Variants in TSPAN9 observed in about 807,000 individuals in gnomAD.
TSPAN9 encodes the protein tetraspanin 9.
A neutral mutation model predicts 31.0 loss-of-function variants in TSPAN9; 16 were observed. That is an observed-to-expected ratio of 0.52 (90% CI 0.35 to 0.78). The LOEUF (loss-of-function observed/expected upper bound fraction) is 0.78, where lower values mean the gene tolerates loss of function less well. Ranked by LOEUF, TSPAN9 falls within the 30% of genes least tolerant of loss-of-function variation. The pLI is 0.01. For synonymous variants in TSPAN9, 145 were observed against 121.6 expected (o/e 1.19, Z -1.27); for missense variants, 272 against 312.5 (o/e 0.87, Z 0.98).
intron 3 of TSPAN9, among the ~76,000 whole-genome samples, chr12:3,225,298 C>T (rs954582684): frequency 3.9e-5 from 6 of 152,124 alleles, no homozygotes; most frequent in South Asian, 2.1e-4. Context: ...CCTTAGCACC[C>T]GCCACTCCCC....
intron 2 of TSPAN9, among the ~76,000 whole-genome samples, chr12:3,146,896 T>G (rs2098337518): frequency 6.6e-6 from 1 of 152,228 alleles, no homozygotes; most frequent in South Asian, 2.1e-4. Flanking sequence ...CATGCTTTTT[T>G]GGGTTTGCAT....
chr12:3,104,432 A>G (rs1406870896), intron 2 of TSPAN9, among the ~76,000 whole-genome samples: 1 of 151,944 alleles, frequency 6.6e-6, no homozygotes, highest in Non-Finnish European at 1.5e-5. Flanking sequence ...GGCTCACTGA[A>G]GCCTCAACCT....
In TSPAN9 at chr12:3,172,038, A is replaced by G. The variant is rs2098352153; in HGVS notation, c.-17-29139A>G. On this transcript the variant is annotated intron_variant, in intron 2 of 8. Transcript: ENST00000011898. This position sits in a 1 kb window ranked among gnomAD's most constrained non-coding sequence, Gnocchi z 4.8. ...TTATGGGTCCCATCCTGGTTGTGAT[A>G]ACTCAGGCTGAGCTGGATGATAAAC... 6.6e-6 allele frequency: 1 copy of G among 152,246 alleles called. No individual in the cohort carries two copies. The highest frequency in any genetic ancestry group is 1.5e-5 in the Non-Finnish European group (1 of 68,056). 9.4% of individuals were successfully genotyped at this position (152,246 alleles called of 1,614,324 possible).
chr12:3,248,342 G>A (rs1426833093), intron 3 of TSPAN9, among the ~76,000 whole-genome samples: 1 of 152,192 alleles, frequency 6.6e-6, no homozygotes, highest in Non-Finnish European at 1.5e-5. Flanking sequence ...GGGCTGCAGA[G>A]GACCACTGGG....
chr12:3,206,352 G>A (rs924066935), intron 3 of TSPAN9: 8 of 455,956 alleles, frequency 1.8e-5, no homozygotes, highest in Admixed American at 9.4e-5. Flanking sequence ...CCAGGAAGTC[G>A]TGGAATCGGG....
Position 3,081,999 on chromosome 12 carries a change from TA to T in TSPAN9, c.-84-1644del, listed in dbSNP as rs34955187. 1.5e-3 allele frequency among the ~76,000 whole-genome samples: 220 copies of T among 146,784 alleles called. 1 individual carries two copies. The highest frequency in any genetic ancestry group is 9.4e-3 in the South Asian group (43 of 4,594). On this transcript the variant is annotated intron_variant, in intron 1 of 8. Transcript: ENST00000011898. ...GTAACAGAGCGAGAATTCTGTCTCT[TA>T]AAAAAAAAAGTCTGTGCTAAGTTCT...
intron 2 of TSPAN9, among the ~76,000 whole-genome samples, chr12:3,181,238 A>T (rs1418715029): frequency 6.6e-6 from 1 of 151,000 alleles, no homozygotes; most frequent in Non-Finnish European, 1.5e-5. Flanking sequence ...AAGAAATATT[A>T]TCTACTGTGT....
intron 2 of TSPAN9, among the ~76,000 whole-genome samples, chr12:3,133,624 A>G (rs941231706): frequency 6.6e-6 from 1 of 152,080 alleles, no homozygotes; most frequent in Admixed American, 6.5e-5. Context: ...ACCAAAGAAA[A>G]CAAGGTCAGT....
At chr12:3,274,913 G>A (rs370659066) in intron 3 of TSPAN9, among the ~76,000 whole-genome samples, 7 of 152,222 alleles carry the variant, frequency 4.6e-5, no homozygotes, top group African/African-American at 1.4e-4. Flanking sequence ...TTGAGGGCTT[G>A]GAGAGGAAGC....
At chr12:3,206,280 G>T (rs1426430493) in intron 3 of TSPAN9, 1 of 455,978 alleles carries the variant, frequency 2.2e-6, no homozygotes, top group Admixed American at 2.3e-5. Flanking sequence ...CTGTGCACAG[G>T]ATCCTCCAGT....
intron 2 of TSPAN9, among the ~76,000 whole-genome samples, chr12:3,199,194 G>A (rs564562350): frequency 6.6e-6 from 1 of 152,330 alleles, no homozygotes; most frequent in African/African-American, 2.4e-5. Context: ...GCCCCAGGTA[G>A]GACATGAATT....
chr12:3,282,916 A>G (rs551426317), intron 8 of TSPAN9, 129 bp from the exon 9 acceptor site: 1 of 822,536 alleles, frequency 1.2e-6, no homozygotes, highest in African/African-American at 1.7e-5. Context: ...TTCCATAAGC[A>G]TTTTCCTGGC....
intron 2 of TSPAN9, among the ~76,000 whole-genome samples, chr12:3,089,888 A>G (rs2098303318): frequency 6.6e-6 from 1 of 152,228 alleles, no homozygotes; most frequent in Non-Finnish European, 1.5e-5. Context: ...CCTGGGCAAC[A>G]GAGTGAGATC....
rs527839331 is a variant in TSPAN9 at position 3,168,673 on chromosome 12, G to A, written c.-17-32504G>A. 2.6e-5 allele frequency among the ~76,000 whole-genome samples: 4 copies of A among 152,276 alleles called. No individual in the cohort carries two copies. The East Asian group carries it at 7.7e-4, about 29-fold the overall frequency. On this transcript the variant is annotated intron_variant, in intron 2 of 8. Coordinates refer to ENST00000011898, the MANE Select transcript of TSPAN9 (RefSeq NM_006675.5). This position sits in a 1 kb window ranked among gnomAD's most constrained non-coding sequence, Gnocchi z 4.0. ...GTCTCAAGAGCAGTTACAGGCATTG[G>A]GAAAAAATTGAGCTCTGGATGGAGA...
chr12:3,253,198 G>GC (rs532717078), intron 3 of TSPAN9, among the ~76,000 whole-genome samples: 97 of 152,316 alleles, frequency 6.4e-4, no homozygotes, highest in African/African-American at 2.1e-3. Context: ...ACCAGCCCAA[G>GC]CCTGCCCTAA....
At chr12:3,123,338 TC>T (rs910783404) in intron 2 of TSPAN9, among the ~76,000 whole-genome samples, 4 of 152,212 alleles carry the variant, frequency 2.6e-5, no homozygotes, top group African/African-American at 9.7e-5. Context: ...CTTTTTGATT[TC>T]CCTGTAGCTT....
intron 3 of TSPAN9, among the ~76,000 whole-genome samples, chr12:3,221,092 C>T (rs1309500012): frequency 6.6e-6 from 1 of 152,142 alleles, no homozygotes; most frequent in Non-Finnish European, 1.5e-5. Flanking sequence ...GACCGGGAGA[C>T]TGGGTCGCCA....
intron 2 of TSPAN9, among the ~76,000 whole-genome samples, chr12:3,091,177 C>A (rs377749118): frequency 2.6e-5 from 4 of 152,238 alleles, no homozygotes; most frequent in Admixed American, 6.5e-5. Flanking sequence ...CAGGCCCAGG[C>A]GTCTGCTGGG....
At chr12:3,140,103 G>A (rs1196010710) in intron 2 of TSPAN9, among the ~76,000 whole-genome samples, 4 of 151,958 alleles carry the variant, frequency 2.6e-5, no homozygotes, top group Non-Finnish European at 5.9e-5. Flanking sequence ...CAGGACAGTC[G>A]GGTGCAAGTA....
Sources: gnomAD v4.1 joint callset for allele counts (sites outside exome capture counted in the v4.1 genomes callset) on GRCh38, gnomAD v4.1.1 for gene constraint, Gnocchi (gnomAD v3.1) non-coding constraint, MANE v1.5 for transcripts, NCBI Gene and HGNC (gene_info 2026-07-23, HGNC 2026-07-21) for gene names.